THSD7B: variants seen among roughly 807,000 people sequenced by gnomAD.
The protein encoded by THSD7B is thrombospondin type-1 domain-containing protein 7B.
Under a neutral mutation model 213.6 loss-of-function variants are expected in THSD7B, and 138 were observed. That is an observed-to-expected ratio of 0.65 (90% confidence interval 0.56 to 0.74). THSD7B has a LOEUF of 0.74. THSD7B is among the 30% of genes least tolerant of loss of function. The probability of loss-of-function intolerance (pLI) is 0.00; values close to 1 mark genes in which losing one functional copy is unlikely to be tolerated. For synonymous variants in THSD7B, 742 were observed against 687.0 expected (o/e 1.08, Z -1.25); for missense variants, 1,931 against 1,991.5 (o/e 0.97, Z 0.58).
At chr2:137,181,567 G>C (rs1379770944) in intron 7 of THSD7B, among the ~76,000 whole-genome samples, 1 of 152,146 alleles carries the variant, frequency 6.6e-6, no homozygotes, top group Non-Finnish European at 1.5e-5. Flanking sequence ...AGTGTCACCA[G>C]AGGCATATTT....
intron 10 of THSD7B, among the ~76,000 whole-genome samples, chr2:137,251,739 C>CT (rs1331772791): frequency 6.6e-6 from 1 of 152,154 alleles, no homozygotes; most frequent in Non-Finnish European, 1.5e-5. Context: ...TGCTAGAACC[C>CT]TAAGAGATTC....
chr2:137,457,748 T>A (rs2105075127), intron 15 of THSD7B, among the ~76,000 whole-genome samples: 1 of 152,332 alleles, frequency 6.6e-6, no homozygotes, highest in East Asian at 1.9e-4. Flanking sequence ...CTTTCAGGCA[T>A]TGAAAGAATA....
At chr2:137,558,452 A>T (rs1681033687) in intron 15 of THSD7B, among the ~76,000 whole-genome samples, 1 of 152,250 alleles carries the variant, frequency 6.6e-6, no homozygotes, top group Non-Finnish European at 1.5e-5. Context: ...AACAGAACCA[A>T]AGGCAAAAAC....
At chr2:137,586,275 T>C (rs2104807825) in intron 17 of THSD7B, among the ~76,000 whole-genome samples, 1 of 152,332 alleles carries the variant, frequency 6.6e-6, no homozygotes, top group Admixed American at 6.5e-5. Flanking sequence ...CTGATGGGTC[T>C]TGACACTTTA....
chr2:137,205,272 A>G (rs4080621), intron 7 of THSD7B, among the ~76,000 whole-genome samples: 91,093 of 151,860 alleles, frequency 0.6, 27,721 homozygotes, highest in South Asian at 0.72. Flanking sequence ...AGACTGTCAC[A>G]TAGAACATGT....
intron 2 of THSD7B, among the ~76,000 whole-genome samples, chr2:136,932,997 A>G (rs1461506631): frequency 6.6e-6 from 1 of 152,190 alleles, no homozygotes; most frequent in Non-Finnish European, 1.5e-5. Context: ...CACAGTGGTT[A>G]AAAGAAAGGC....
intron 2 of THSD7B, among the ~76,000 whole-genome samples, chr2:136,927,556 C>G (rs537407398): frequency 6.6e-6 from 1 of 152,276 alleles, no homozygotes; most frequent in East Asian, 1.9e-4. Flanking sequence ...GATAAGGTCA[C>G]CTATGTACCT....
intron 7 of THSD7B, among the ~76,000 whole-genome samples, chr2:137,178,536 G>A (rs1003930361): frequency 4.6e-5 from 7 of 152,202 alleles, no homozygotes; most frequent in Admixed American, 2.6e-4. Context: ...AGTTTTTGTA[G>A]CCAAGTTCCT....
intron 2 of THSD7B, among the ~76,000 whole-genome samples, chr2:136,977,120 G>A (rs1558873871): frequency 1.3e-5 from 2 of 151,936 alleles, no homozygotes; most frequent in Non-Finnish European, 2.9e-5. Context: ...TGGTTGATAG[G>A]CTATTACTGC....
chr2:137,183,234 G>T (rs1474080281), intron 7 of THSD7B, among the ~76,000 whole-genome samples: 1 of 152,238 alleles, frequency 6.6e-6, no homozygotes, highest in East Asian at 1.9e-4. Flanking sequence ...AAACAGTACA[G>T]TGCGTTCCTT....
chr2:136,961,224 C>CT (rs201759566), intron 2 of THSD7B, among the ~76,000 whole-genome samples: 62,100 of 126,816 alleles, frequency 0.49, 16,183 homozygotes, highest in East Asian at 0.83. Flanking sequence ...TTTTTCTTTT[C>CT]TTTTTTTTTT....
At chr2:136,924,940 G>A (rs542825902) in intron 2 of THSD7B, among the ~76,000 whole-genome samples, 4 of 152,138 alleles carry the variant, frequency 2.6e-5, no homozygotes, top group African/African-American at 9.6e-5. Context: ...TAGTATTTGG[G>A]ATTGTTTTCT....
chr2:137,598,766 T>C (rs1027246540), intron 17 of THSD7B, among the ~76,000 whole-genome samples: 1 of 152,178 alleles, frequency 6.6e-6, no homozygotes. Context: ...CTTGTAAATG[T>C]CTGTGTAACT....
chr2:137,436,716 TACAA>T (rs1435622038), intron 14 of THSD7B, among the ~76,000 whole-genome samples: 10 of 152,198 alleles, frequency 6.6e-5, no homozygotes, highest in Non-Finnish European at 1.3e-4. Context: ...GAATATAATT[TACAA>T]ACAAACCGTA....
At chr2:136,866,014 A>G (rs1683325729) in intron 1 of THSD7B, among the ~76,000 whole-genome samples, 1 of 152,224 alleles carries the variant, frequency 6.6e-6, no homozygotes, top group African/African-American at 2.4e-5. Context: ...TCATAAATAT[A>G]CAATTCCATG....
chr2:137,203,644 T>C (rs1031553549), intron 7 of THSD7B, among the ~76,000 whole-genome samples: 11 of 152,036 alleles, frequency 7.2e-5, no homozygotes, highest in African/African-American at 2.7e-4. Flanking sequence ...TTTGCTAACA[T>C]GCTTAAGAAC....
intron 9 of THSD7B, among the ~76,000 whole-genome samples, chr2:137,237,377 G>A (rs1187428222): frequency 2.0e-5 from 3 of 152,148 alleles, no homozygotes; most frequent in African/African-American, 7.2e-5. Context: ...GTTTTGTTGC[G>A]GAAATAGCTG....
intron 5 of THSD7B, among the ~76,000 whole-genome samples, chr2:137,118,916 C>T (rs114050186): frequency 0.031 from 4,772 of 152,128 alleles, 118 homozygotes; most frequent in Admixed American, 0.06. Context: ...AGAATGAGAG[C>T]CAAGCAAAAG....
At chr2:136,966,596 T>C (rs1447334575) in intron 2 of THSD7B, among the ~76,000 whole-genome samples, 2 of 152,186 alleles carry the variant, frequency 1.3e-5, no homozygotes, top group African/African-American at 4.8e-5. Context: ...AGCAGGTCTT[T>C]ATCTTTGTTT....
Sources: gnomAD v4.1 joint callset for allele counts (sites outside exome capture counted in the v4.1 genomes callset) on GRCh38, gnomAD v4.1.1 for gene constraint, MANE v1.5 for transcripts, NCBI Gene and HGNC (gene_info 2026-07-23, HGNC 2026-07-21) for gene names.